MYO5B: variants seen among roughly 807,000 people sequenced by gnomAD.
MYO5B encodes myosin VB.
In MYO5B, 143 loss-of-function variants were observed where a neutral mutation model predicts 229.3. The observed-to-expected ratio is 0.62, with a 90% CI of 0.54 to 0.72. MYO5B has a LOEUF of 0.72. Among genes scored for constraint, MYO5B ranks in the 30% least tolerant of loss-of-function variants. MYO5B has a pLI of 0.00. For synonymous variants in MYO5B, 918 were observed against 885.2 expected (o/e 1.04, Z -0.66); for missense variants, 2,321 against 2,331.0 (o/e 1.00, Z 0.09).
intron 4 of MYO5B, among the ~76,000 whole-genome samples, chr18:50,010,138 G>T (rs1370627841): frequency 1.3e-5 from 2 of 152,196 alleles, no homozygotes; most frequent in African/African-American, 4.8e-5. Flanking sequence ...TTGGTAAGAT[G>T]AAAATGAACC....
intron 1 of MYO5B, among the ~76,000 whole-genome samples, chr18:50,059,366 G>A (rs1756772200): frequency 6.6e-6 from 1 of 152,180 alleles, no homozygotes; most frequent in Non-Finnish European, 1.5e-5. Flanking sequence ...GCCCTAATGG[G>A]GTGATGTGAC....
At chr18:50,104,167 T>TAAAAAAAAAAG (rs144294604) in intron 1 of MYO5B, among the ~76,000 whole-genome samples, 2 of 131,488 alleles carry the variant, frequency 1.5e-5, no homozygotes, top group Non-Finnish European at 3.1e-5. Context: ...ACTTGTCTAT[T>TAAAAAAAAAAG]AAAAAGAAAA....
At chr18:50,175,850 G>A (rs1330785867) in intron 1 of MYO5B, among the ~76,000 whole-genome samples, 6 of 152,226 alleles carry the variant, frequency 3.9e-5, no homozygotes, top group Admixed American at 3.9e-4. Flanking sequence ...GGGGTTGAGG[G>A]GTGTTCAACT....
chr18:50,015,667 T>C (rs992194269), intron 4 of MYO5B, among the ~76,000 whole-genome samples: 47 of 152,292 alleles, frequency 3.1e-4, no homozygotes, highest in African/African-American at 9.9e-4. Context: ...ATTATCTTCT[T>C]TGGGGACACA....
At chr18:49,906,702 G>A in intron 18 of MYO5B, 72 bp from the exon 19 acceptor site, 3 of 1,343,536 alleles carry the variant, frequency 2.2e-6, no homozygotes, top group Non-Finnish European at 2.1e-6. Context: ...TACCACCCTT[G>A]TTCTTCCCAT....
intron 22 of MYO5B, among the ~76,000 whole-genome samples, chr18:49,881,480 G>A (rs530072983): frequency 6.6e-6 from 1 of 152,304 alleles, no homozygotes; most frequent in East Asian, 1.9e-4. Flanking sequence ...AACAAAAATT[G>A]TAGTCTACTC....
At chr18:50,079,009 T>C (rs73446666) in intron 1 of MYO5B, among the ~76,000 whole-genome samples, 17,772 of 152,246 alleles carry the variant, frequency 0.12, 2,113 homozygotes, top group African/African-American at 0.31. Context: ...TTTGCAGAAA[T>C]TTCAAAAACA....
chr18:49,962,119 G>T, intron 12 of MYO5B, 147 bp downstream of exon 12: 2 of 1,002,904 alleles, frequency 2.0e-6, no homozygotes, highest in Non-Finnish European at 3.1e-6. Flanking sequence ...AATGGTACAT[G>T]CTTCTAGTAT....
At chr18:49,901,413 A>G (rs2144141757) in intron 21 of MYO5B, among the ~76,000 whole-genome samples, 1 of 152,220 alleles carries the variant, frequency 6.6e-6, no homozygotes, top group Admixed American at 6.5e-5. Context: ...ACGGTACCCA[A>G]CCCCCTACAG....
intron 22 of MYO5B, among the ~76,000 whole-genome samples, chr18:49,887,748 T>C (rs986403761): frequency 7.9e-5 from 12 of 152,164 alleles, no homozygotes; most frequent in African/African-American, 2.4e-4. Flanking sequence ...TGGCGCGATC[T>C]CAGCTCACAG....
chr18:50,115,523 A>C (rs1460650253), intron 1 of MYO5B, among the ~76,000 whole-genome samples: 2 of 144,808 alleles, frequency 1.4e-5, no homozygotes, highest in Non-Finnish European at 1.5e-5. Context: ...AAATAAATAA[A>C]ACACACACAC....
At chr18:50,087,432 G>A (rs954660024) in intron 1 of MYO5B, among the ~76,000 whole-genome samples, 1 of 152,018 alleles carries the variant, frequency 6.6e-6, no homozygotes, top group Non-Finnish European at 1.5e-5. Flanking sequence ...AGTTTTCCAG[G>A]TGTGGTGGCA....
chr18:49,834,632 A>G (rs1568601873), intron 39 of MYO5B, among the ~76,000 whole-genome samples: 2 of 152,220 alleles, frequency 1.3e-5, no homozygotes, highest in Non-Finnish European at 2.9e-5. Context: ...ATTTTCCTAA[A>G]AGCAAATATT....
At position 49,864,159 on chromosome 18, in the gene MYO5B, T is replaced by A; in HGVS notation, c.3825A>T (p.Arg1275=). 6.2e-7 allele frequency: 1 copy of A among 1,609,978 alleles called. No homozygotes were observed. The highest frequency in any genetic ancestry group is 8.5e-7 in the Non-Finnish European group (1 of 1,179,876). Residue 1275 remains arginine, a synonymous_variant, in exon 28 of 40, where the codon CGA becomes CGT. Transcript: ENST00000285039. The stretch of plus-strand genomic sequence containing the variant: ...TTGTTACCGCGTTCCTGCCGGCGAG[T>A]CGCCGCTGGTCGGCGCTCACGATCT... ...RTQIVSADQR[R]LAGRNAEPNI...
intron 4 of MYO5B, among the ~76,000 whole-genome samples, chr18:50,025,595 T>C (rs999874563): frequency 3.9e-5 from 6 of 152,236 alleles, no homozygotes; most frequent in Non-Finnish European, 5.9e-5. Flanking sequence ...ACAGTATATG[T>C]TTATTATATC....
At chr18:50,003,783 T>C (rs1196753195) in intron 4 of MYO5B, among the ~76,000 whole-genome samples, 1 of 152,248 alleles carries the variant, frequency 6.6e-6, no homozygotes, top group African/African-American at 2.4e-5. Flanking sequence ...AAGTTTAGAA[T>C]GTATCTAAGC....
At chr18:49,963,422 T>G (rs1321610535) in intron 10 of MYO5B, among the ~76,000 whole-genome samples, 3 of 147,336 alleles carry the variant, frequency 2.0e-5, no homozygotes, top group Non-Finnish European at 2.9e-5. Flanking sequence ...ATTAATTTAT[T>G]TATTTATTTA....
intron 1 of MYO5B, among the ~76,000 whole-genome samples, chr18:50,064,910 T>C (rs573644092): frequency 3.9e-5 from 6 of 152,304 alleles, no homozygotes; most frequent in Non-Finnish European, 8.8e-5. Context: ...ACCAAAATTA[T>C]TAAGAGAAAG....
chr18:49,936,720 C>T (rs528497280), intron 15 of MYO5B, among the ~76,000 whole-genome samples: 2 of 152,256 alleles, frequency 1.3e-5, no homozygotes, highest in African/African-American at 4.8e-5. Context: ...CCCTGACATC[C>T]GATGCCTGGG....
Sources: allele counts gnomAD v4.1 joint callset (sites outside exome capture counted in the v4.1 genomes callset), GRCh38; gene constraint gnomAD v4.1.1; transcripts MANE v1.5; gene names NCBI Gene and HGNC (gene_info 2026-07-23, HGNC 2026-07-21).